The following TSHZ2 variants were observed in gnomAD, a reference collection of about 807,000 sequenced individuals.
TSHZ2 encodes the protein teashirt homolog 2.
TSHZ2 carries 21 observed loss-of-function variants against 74.4 expected under a neutral mutation model. The ratio of observed to expected loss-of-function variants is 0.28; its 90% confidence interval spans 0.20 to 0.41. The LOEUF is 0.41. TSHZ2 is among the 10% of genes least tolerant of loss of function. The pLI is 1.00. For synonymous variants in TSHZ2, 540 were observed against 515.3 expected, an observed-to-expected ratio of 1.05 and a Z score of -0.65; for missense variants, 1,244 against 1,293.5, an observed-to-expected ratio of 0.96 and a Z score of 0.59.
intron 1 of TSHZ2, among the ~76,000 whole-genome samples, chr20:53,137,952 G>A (rs995697565): frequency 1.2e-4 from 18 of 152,092 alleles, no homozygotes; most frequent in Non-Finnish European, 2.2e-4. Context: ...TTTTAAGTGA[G>A]CTACTTAAAA....
At chr20:53,190,137 A>ATT (rs57127898) in intron 1 of TSHZ2, among the ~76,000 whole-genome samples, 30 of 90,508 alleles carry the variant, frequency 3.3e-4, no homozygotes, top group Non-Finnish European at 3.9e-4. Flanking sequence ...ATATATATAT[A>ATT]TTTTCTTAAA....
chr20:53,182,417 T>C (rs979727721), intron 1 of TSHZ2, among the ~76,000 whole-genome samples: 5 of 152,216 alleles, frequency 3.3e-5, no homozygotes, highest in African/African-American at 1.2e-4. Flanking sequence ...CTCTGATCCA[T>C]GCAAAAGTGG....
At chr20:53,326,242 C>T (rs755077166) in intron 2 of TSHZ2, among the ~76,000 whole-genome samples, 3 of 152,198 alleles carry the variant, frequency 2.0e-5, no homozygotes, top group South Asian at 4.1e-4. Context: ...TGACTTTTGT[C>T]GGATTTGTCC....
intron 2 of TSHZ2, among the ~76,000 whole-genome samples, chr20:53,465,654 AT>A (rs967378760): frequency 3.2e-4 from 48 of 152,250 alleles, no homozygotes; most frequent in African/African-American, 1.2e-3. Context: ...CTTCCCAGGC[AT>A]GTGCTGTTGG....
At chr20:53,070,913 A>C (rs1985152587) in intron 1 of TSHZ2, among the ~76,000 whole-genome samples, 1 of 152,200 alleles carries the variant, frequency 6.6e-6, no homozygotes, top group Non-Finnish European at 1.5e-5. Context: ...GACAGGACTT[A>C]AATTACTGGT....
intron 1 of TSHZ2, among the ~76,000 whole-genome samples, chr20:53,097,195 C>G (rs1021560031): frequency 6.6e-6 from 1 of 152,132 alleles, no homozygotes; most frequent in South Asian, 2.1e-4. Flanking sequence ...AAAACTGCCT[C>G]TGATTGAGAA....
At position 53,081,691 on chromosome 20, in the gene TSHZ2, C is replaced by G. The variant is rs1046329737; in HGVS notation, c.40+108358C>G. Reference sequence around the variant, plus strand: ...TTTATAAATTTTTTCACCATTTAACCTGCATAAAACGGTGCTACTGTTTGT... The same window carrying G: ...TTTATAAATTTTTTCACCATTTAACGTGCATAAAACGGTGCTACTGTTTGT... On this transcript the variant is annotated intron_variant, in intron 1 of 2. Transcript: ENST00000371497. Among the ~76,000 whole-genome samples, 183 of 152,254 alleles carry G rather than the reference C, an allele frequency of 1.2e-3. 1 individual carries two copies. Among genetic ancestry groups the G allele is most frequent in the African/African-American group, 4.3e-3 (179 of 41,548 alleles).
intron 1 of TSHZ2, among the ~76,000 whole-genome samples, chr20:52,984,392 A>G (rs1015551022): frequency 6.6e-6 from 1 of 152,106 alleles, no homozygotes; most frequent in Non-Finnish European, 1.5e-5. Flanking sequence ...TGTTTTGGAT[A>G]AGACGATCAG....
chr20:53,026,494 A>G (rs954526455), intron 1 of TSHZ2, among the ~76,000 whole-genome samples: 1 of 151,978 alleles, frequency 6.6e-6, no homozygotes, highest in Non-Finnish European at 1.5e-5. Flanking sequence ...TGGGACCACA[A>G]GCGCACATCA....
chr20:52,990,230 A>C (rs1036282800), intron 1 of TSHZ2, among the ~76,000 whole-genome samples: 2 of 152,154 alleles, frequency 1.3e-5, no homozygotes, highest in South Asian at 4.1e-4. Flanking sequence ...GAAACAGCTA[A>C]TATTTTATAA....
At chr20:53,481,634 T>C (rs1986153227) in intron 2 of TSHZ2, among the ~76,000 whole-genome samples, 1 of 151,858 alleles carries the variant, frequency 6.6e-6, no homozygotes, top group Non-Finnish European at 1.5e-5. Context: ...TGTCCCAAAG[T>C]GGTCCAAGAT....
At chr20:53,053,393 T>C (rs796377389) in intron 1 of TSHZ2, among the ~76,000 whole-genome samples, 48 of 152,252 alleles carry the variant, frequency 3.2e-4, no homozygotes, top group African/African-American at 1.1e-3. Context: ...ATTTCCCTTT[T>C]CTCTACCAAA....
intron 1 of TSHZ2, among the ~76,000 whole-genome samples, chr20:53,110,039 A>G (rs1013708870): frequency 6.6e-6 from 1 of 152,094 alleles, no homozygotes; most frequent in Non-Finnish European, 1.5e-5. Flanking sequence ...TTCACCTAAC[A>G]ATTCCTATTT....
At chr20:53,419,140 G>A (rs545279991) in intron 2 of TSHZ2, among the ~76,000 whole-genome samples, 5 of 152,284 alleles carry the variant, frequency 3.3e-5, no homozygotes, top group Admixed American at 3.3e-4. Flanking sequence ...GCATTAAGCC[G>A]CTTTGTGGAC....
intron 1 of TSHZ2, among the ~76,000 whole-genome samples, chr20:53,127,584 G>A (rs767219481): frequency 3.3e-5 from 5 of 152,182 alleles, no homozygotes; most frequent in Non-Finnish European, 7.3e-5. Flanking sequence ...CTTTGGGTAG[G>A]ATGGTGGCCC....
At chr20:53,088,619 G>T (rs769736315) in intron 1 of TSHZ2, among the ~76,000 whole-genome samples, 7 of 152,188 alleles carry the variant, frequency 4.6e-5, no homozygotes, top group Non-Finnish European at 1.0e-4. Flanking sequence ...ATATTTTTTT[G>T]AAGAATTCTA....
At chr20:53,436,709 C>G (rs368236409) in intron 2 of TSHZ2, among the ~76,000 whole-genome samples, 1 of 151,470 alleles carries the variant, frequency 6.6e-6, no homozygotes, top group African/African-American at 2.4e-5. Flanking sequence ...CCACGTCCGG[C>G]TAATTTTTTT....
intron 1 of TSHZ2, among the ~76,000 whole-genome samples, chr20:53,024,773 T>G (rs1983376341): frequency 6.6e-6 from 1 of 152,186 alleles, no homozygotes; most frequent in Admixed American, 6.5e-5. Context: ...TGTGTTAGTT[T>G]GCTGAGAATG....
At chr20:53,089,137 A>G (rs1400863421) in intron 1 of TSHZ2, among the ~76,000 whole-genome samples, 1 of 151,558 alleles carries the variant, frequency 6.6e-6, no homozygotes, top group African/African-American at 2.4e-5. Flanking sequence ...TATGTTCAAC[A>G]GCATGTCAGC....
Sources: allele counts gnomAD v4.1 joint callset (sites outside exome capture counted in the v4.1 genomes callset), GRCh38; gene constraint gnomAD v4.1.1; transcripts MANE v1.5; gene names NCBI Gene and HGNC (gene_info 2026-07-23, HGNC 2026-07-21).